The following SCFD2 variants were observed in gnomAD, a reference collection of about 807,000 sequenced individuals.
SCFD2 encodes the protein sec1 family domain-containing protein 2.
Under a neutral mutation model 58.9 loss-of-function variants are expected in SCFD2, and 54 were observed. That is an observed-to-expected ratio of 0.92 (90% CI 0.74 to 1.15). The LOEUF (loss-of-function observed/expected upper bound fraction) is 1.15. SCFD2 is among the 50% of genes most tolerant of loss of function. The pLI is 0.00. For synonymous variants in SCFD2, 321 were observed against 335.9 expected (o/e 0.96, Z 0.49); for missense variants, 805 against 836.6 (o/e 0.96, Z 0.47).
intron 4 of SCFD2, among the ~76,000 whole-genome samples, chr4:53,254,844 T>TA (rs1730542446): frequency 6.8e-6 from 1 of 146,160 alleles, no homozygotes. Context: ...TATTTTATTT[T>TA]ATTTTATTTT....
intron 4 of SCFD2, among the ~76,000 whole-genome samples, chr4:53,175,704 A>T (rs1476635830): frequency 2.0e-5 from 3 of 152,188 alleles, no homozygotes; most frequent in Non-Finnish European, 4.4e-5. Context: ...TCATGACTAT[A>T]AGCCATGACA....
At chr4:52,926,383 C>T (rs978746401) in intron 5 of SCFD2, among the ~76,000 whole-genome samples, 2 of 152,028 alleles carry the variant, frequency 1.3e-5, no homozygotes, top group Non-Finnish European at 2.9e-5. Context: ...CACACAAATA[C>T]ACACACAGAC....
chr4:53,244,552 A>T (rs1730002080), intron 4 of SCFD2, among the ~76,000 whole-genome samples: 1 of 152,178 alleles, frequency 6.6e-6, no homozygotes, highest in Non-Finnish European at 1.5e-5. Context: ...TAATGAGAAT[A>T]AAGATACAAC....
intron 4 of SCFD2, among the ~76,000 whole-genome samples, chr4:53,228,231 C>T (rs1729289348): frequency 6.6e-6 from 1 of 152,072 alleles, no homozygotes; most frequent in Admixed American, 6.6e-5. Context: ...AATTTCAGTA[C>T]AAACATCTTG....
chr4:53,337,229 T>C (rs1733713307), intron 2 of SCFD2, among the ~76,000 whole-genome samples: 1 of 152,244 alleles, frequency 6.6e-6, no homozygotes, highest in African/African-American at 2.4e-5. Flanking sequence ...GGTCATCCTC[T>C]GTGCATGCAT....
intron 5 of SCFD2, among the ~76,000 whole-genome samples, chr4:52,930,411 G>C (rs1719963955): frequency 6.6e-6 from 1 of 151,970 alleles, no homozygotes; most frequent in Non-Finnish European, 1.5e-5. Flanking sequence ...GAAACACTAG[G>C]AGAAAATCTA....
chr4:53,235,824 CAT>C (rs1350778792), intron 4 of SCFD2, among the ~76,000 whole-genome samples: 2 of 152,114 alleles, frequency 1.3e-5, no homozygotes, highest in Admixed American at 1.3e-4. Flanking sequence ...TGTGTGCATA[CAT>C]ATGTGTGTAT....
At chr4:53,359,340 C>T (rs1034473868) in intron 1 of SCFD2, among the ~76,000 whole-genome samples, 3 of 152,096 alleles carry the variant, frequency 2.0e-5, no homozygotes, top group Non-Finnish European at 4.4e-5. Flanking sequence ...TATAAATTAA[C>T]GTCTAAATCA....
rs1729537164 is a variant in SCFD2 at position 53,234,554 on chromosome 4, A to T, written c.1311+39272T>A. Among the ~76,000 whole-genome samples, 3 of 152,164 alleles carry T rather than the reference A, an allele frequency of 2.0e-5. No homozygotes were observed. In the South Asian group the frequency reaches 6.2e-4, roughly 32 times the overall value. Reference sequence around the variant, plus strand: ...GGAGCCAACATGTTAGGCAGCTCAGATCTCTTTAATTCCTAATGTTCTTTA... The same window carrying T: ...GGAGCCAACATGTTAGGCAGCTCAGTTCTCTTTAATTCCTAATGTTCTTTA... On this transcript the variant is annotated intron_variant, in intron 4 of 8. Coordinates refer to ENST00000401642, the MANE Select transcript of SCFD2 (RefSeq NM_152540.4).
At chr4:53,336,542 TG>T (rs1176487286) in intron 2 of SCFD2, among the ~76,000 whole-genome samples, 4 of 142,978 alleles carry the variant, frequency 2.8e-5, no homozygotes, top group South Asian at 2.3e-4. Context: ...TTTATTTATT[TG>T]AGTTGGAGTT....
intron 5 of SCFD2, among the ~76,000 whole-genome samples, chr4:53,004,347 G>A (rs141832732): frequency 7.3e-4 from 111 of 152,278 alleles, no homozygotes; most frequent in African/African-American, 2.5e-3. Context: ...ACCCATGTCT[G>A]CTTACCAGAG....
chr4:53,025,578 C>T (rs574061577), intron 5 of SCFD2, among the ~76,000 whole-genome samples: 11 of 152,256 alleles, frequency 7.2e-5, no homozygotes, highest in African/African-American at 2.4e-4. Context: ...TAATTTTTCA[C>T]TCTTATGCCA....
intron 3 of SCFD2, among the ~76,000 whole-genome samples, chr4:53,303,260 A>G (rs1732380720): frequency 6.6e-6 from 1 of 152,226 alleles, no homozygotes; most frequent in Non-Finnish European, 1.5e-5. Flanking sequence ...TACAAGAAAA[A>G]AACAAACAAA....
At chr4:53,013,535 T>C (rs906681335) in intron 5 of SCFD2, among the ~76,000 whole-genome samples, 35 of 152,330 alleles carry the variant, frequency 2.3e-4, no homozygotes, top group African/African-American at 7.7e-4. Flanking sequence ...CGAAAATCAT[T>C]TAGCTGTTAT....
At chr4:53,133,907 T>A (rs563612218) in intron 5 of SCFD2, among the ~76,000 whole-genome samples, 66 of 152,364 alleles carry the variant, frequency 4.3e-4, no homozygotes, top group Non-Finnish European at 7.1e-4. Flanking sequence ...CAATGAACAT[T>A]TAGGTTGTTT....
At chr4:52,977,878 C>T (rs1323326372) in intron 5 of SCFD2, among the ~76,000 whole-genome samples, 2 of 152,140 alleles carry the variant, frequency 1.3e-5, no homozygotes, top group African/African-American at 4.8e-5. Flanking sequence ...TCGTCTACGG[C>T]AGATGAGAAA....
intron 4 of SCFD2, among the ~76,000 whole-genome samples, chr4:53,253,604 T>C (rs1212087951): frequency 6.6e-6 from 1 of 151,402 alleles, no homozygotes. Context: ...ATGGATGAAA[T>C]TGGAAATCAT....
At chr4:53,052,289 T>C (rs1454800259) in intron 5 of SCFD2, among the ~76,000 whole-genome samples, 1 of 152,158 alleles carries the variant, frequency 6.6e-6, no homozygotes, top group Non-Finnish European at 1.5e-5. Context: ...CACATGCTGC[T>C]CTCCCTACCT....
rs1560383701 is a variant in SCFD2, at chr4:53,204,154, A to C, written c.1312-58572T>G. Reference sequence around the variant, plus strand: ...TCTATAGTAAACCTCAAAGCCACAAACCCCCCATAAACTTAGCCTGTTCCA... The same window carrying C: ...TCTATAGTAAACCTCAAAGCCACAACCCCCCCATAAACTTAGCCTGTTCCA... On this transcript the variant is annotated intron_variant, in intron 4 of 8. Coordinates refer to ENST00000401642, the MANE Select transcript of SCFD2 (RefSeq NM_152540.4). Among the ~76,000 whole-genome samples the C allele has an allele frequency of 1.3e-5, 2 of 151,812 alleles. 1 individual carries two copies. The highest frequency in any genetic ancestry group is 3.9e-4 in the East Asian group (2 of 5,182).
Sources: gnomAD v4.1 joint callset for allele counts (sites outside exome capture counted in the v4.1 genomes callset) on GRCh38, gnomAD v4.1.1 for gene constraint, MANE v1.5 for transcripts, NCBI Gene and HGNC (gene_info 2026-07-23, HGNC 2026-07-21) for gene names.